Variants in CSRNP3 observed in about 807,000 individuals in gnomAD.
CSRNP3 encodes the protein cysteine/serine-rich nuclear protein 3.
CSRNP3 carries 12 observed loss-of-function variants against 48.0 expected under a neutral mutation model. The ratio of observed to expected loss-of-function variants is 0.25; its 90% confidence interval spans 0.16 to 0.41. The LOEUF (loss-of-function observed/expected upper bound fraction) is 0.41, where lower values mean the gene tolerates loss of function less well. Ranked by LOEUF, CSRNP3 falls within the 10% of genes least tolerant of loss-of-function variation. The probability of loss-of-function intolerance (pLI) is 1.00; values close to 1 mark genes in which losing one functional copy is unlikely to be tolerated. For missense variants in CSRNP3, 580 were observed against 724.4 expected, an observed-to-expected ratio of 0.80 and a Z score of 2.29; for synonymous variants, 263 against 269.7, an observed-to-expected ratio of 0.98 and a Z score of 0.24.
At chr2:165,482,678 G>C (rs1183333558) in intron 1 of CSRNP3, among the ~76,000 whole-genome samples, 2 of 152,110 alleles carry the variant, frequency 1.3e-5, no homozygotes, top group African/African-American at 2.4e-5. Context: ...CCTAGTTTTT[G>C]AAACTATCGT....
At chr2:165,500,353 A>G (rs1484579078) in intron 2 of CSRNP3, among the ~76,000 whole-genome samples, 2 of 150,338 alleles carry the variant, frequency 1.3e-5, no homozygotes, top group Admixed American at 1.3e-4. Context: ...ATATATGTAT[A>G]TGTATACATA....
intron 2 of CSRNP3, among the ~76,000 whole-genome samples, chr2:165,511,776 T>G (rs1684509521): frequency 6.6e-6 from 1 of 152,194 alleles, no homozygotes. Flanking sequence ...TGCCAGGCAC[T>G]ACAGGGGACC....
At chr2:165,640,229 ATATT>A (rs1260789613) in intron 4 of CSRNP3, among the ~76,000 whole-genome samples, 1 of 152,214 alleles carries the variant, frequency 6.6e-6, no homozygotes, top group Non-Finnish European at 1.5e-5. Flanking sequence ...TGTGTTACAA[ATATT>A]TATTTAATCC....
chr2:165,648,306 T>A (rs10198146), intron 4 of CSRNP3, among the ~76,000 whole-genome samples: 39,787 of 151,782 alleles, frequency 0.26, 5,749 homozygotes, highest in Non-Finnish European at 0.32. Context: ...ATTTTACATA[T>A]AATTTAATCT....
intron 3 of CSRNP3, among the ~76,000 whole-genome samples, chr2:165,528,517 A>G (rs1348086348): frequency 6.6e-6 from 1 of 152,200 alleles, no homozygotes; most frequent in Non-Finnish European, 1.5e-5. Context: ...AGATAAAAGG[A>G]TAAAGGTTGT....
intron 4 of CSRNP3, among the ~76,000 whole-genome samples, chr2:165,620,224 A>G (rs1686317096): frequency 6.6e-6 from 1 of 152,176 alleles, no homozygotes; most frequent in South Asian, 2.1e-4. Context: ...TCTTCCAAAA[A>G]TTGTCCAAGA....
intron 1 of CSRNP3, among the ~76,000 whole-genome samples, chr2:165,480,785 A>G (rs1397012818): frequency 8.0e-6 from 1 of 125,048 alleles, no homozygotes; most frequent in African/African-American, 2.8e-5. Flanking sequence ...TATATATTAT[A>G]TATATAATAT....
intron 1 of CSRNP3, among the ~76,000 whole-genome samples, chr2:165,480,272 C>G (rs1283252410): frequency 1.3e-5 from 2 of 152,154 alleles, no homozygotes; most frequent in African/African-American, 2.4e-5. Context: ...CATAATCTCC[C>G]TATCTGGTTT....
intron 3 of CSRNP3, among the ~76,000 whole-genome samples, chr2:165,554,103 A>G (rs770560507): frequency 2.0e-5 from 3 of 152,168 alleles, no homozygotes; most frequent in Non-Finnish European, 4.4e-5. Context: ...CAGTAGTTGT[A>G]GAGAGTTGAT....
chr2:165,511,561 C>A (rs10197788), intron 2 of CSRNP3, among the ~76,000 whole-genome samples: 13,131 of 152,048 alleles, frequency 0.086, 858 homozygotes, highest in Middle Eastern at 0.14. Flanking sequence ...ACTACATGAT[C>A]ACAAATGCCA....
At chr2:165,570,681 A>C (rs1032029078) in intron 3 of CSRNP3, among the ~76,000 whole-genome samples, 2 of 151,876 alleles carry the variant, frequency 1.3e-5, no homozygotes, top group Non-Finnish European at 2.9e-5. Context: ...TAGGATGTAC[A>C]TATCTTAAGA....
chr2:165,613,665 C>T (rs919320919), intron 4 of CSRNP3, among the ~76,000 whole-genome samples: 1 of 152,128 alleles, frequency 6.6e-6, no homozygotes, highest in African/African-American at 2.4e-5. Context: ...TATCCTTCCC[C>T]CATTGTATGT....
chr2:165,639,190 C>A (rs1346303584), intron 4 of CSRNP3, among the ~76,000 whole-genome samples: 1 of 152,076 alleles, frequency 6.6e-6, no homozygotes, highest in Non-Finnish European at 1.5e-5. Context: ...ACTTGGGGGC[C>A]TTTTCAAACA....
At chr2:165,587,310 G>C (rs945823900) in intron 3 of CSRNP3, among the ~76,000 whole-genome samples, 2 of 152,208 alleles carry the variant, frequency 1.3e-5, no homozygotes, top group Admixed American at 1.3e-4. Context: ...TGGCCAAGAC[G>C]TGAATTCATG....
rs560429894 is a variant in CSRNP3, at chr2:165,680,296, A to G, written c.*543A>G. 1 of 153,798 alleles carries G rather than the reference A, an allele frequency of 6.5e-6. No homozygotes were observed. The highest frequency in any genetic ancestry group is 6.5e-5 in the Admixed American group (1 of 15,418). The allele number at this position is 153,798 out of a possible 1,614,324, so 9.5% of individuals were successfully genotyped here. On this transcript the variant is annotated 3_prime_UTR_variant, in exon 7 of 7. Transcript: ENST00000651982. The stretch of plus-strand genomic sequence containing the variant: ...TCATTCAAGCTGAAGATGCATAGCT[A>G]GTTCCACAGAGCATGCCCACATGGA...
In CSRNP3 at chr2:165,642,103, A is replaced by C. The variant is rs10645571; in HGVS notation, c.149-15658A>C. Reference sequence around the variant, plus strand: ...TAGTACCTGAGAATACACACACACAAACACACACACACACACACACACACA... The same window carrying C: ...TAGTACCTGAGAATACACACACACACACACACACACACACACACACACACA... On this transcript the variant is annotated intron_variant, in intron 4 of 6. Transcript: ENST00000651982. Among the ~76,000 whole-genome samples, 418 of 132,030 alleles carry C rather than the reference A, an allele frequency of 3.2e-3. 4 individuals carry two copies. Among genetic ancestry groups the C allele is most frequent in the Middle Eastern group, 7.9e-3 (2 of 252 alleles). The allele number at this position is 132,030 out of a possible 152,430, so 86.6% of individuals were successfully genotyped here.
chr2:165,479,715 T>C (rs1055315931), intron 1 of CSRNP3, among the ~76,000 whole-genome samples: 6 of 152,032 alleles, frequency 3.9e-5, no homozygotes, highest in African/African-American at 1.4e-4. Flanking sequence ...TGAGACCCCA[T>C]CCCTACTAAA....
intron 4 of CSRNP3, among the ~76,000 whole-genome samples, chr2:165,609,105 TCAAGAAAA>T (rs1686086096): frequency 3.5e-5 from 5 of 143,634 alleles, no homozygotes; most frequent in East Asian, 2.1e-4. Context: ...AGACTCCGTC[TCAAGAAAA>T]AAAAAAAGTA....
chr2:165,534,303 G>C (rs1057447036), intron 3 of CSRNP3, among the ~76,000 whole-genome samples: 27 of 151,784 alleles, frequency 1.8e-4, no homozygotes, highest in African/African-American at 6.5e-4. Flanking sequence ...ACATTTTTTG[G>C]TATCTATCTG....
Sources: allele counts gnomAD v4.1 joint callset (sites outside exome capture counted in the v4.1 genomes callset), GRCh38; gene constraint gnomAD v4.1.1; transcripts MANE v1.5; gene names NCBI Gene and HGNC (gene_info 2026-07-23, HGNC 2026-07-21).